Variants in RPUSD2 observed in about 807,000 individuals in gnomAD.
RPUSD2 encodes the protein RNA pseudouridine synthase domain containing 2.
In RPUSD2, 31 loss-of-function variants were observed where a neutral mutation model predicts 41.5. That is an observed-to-expected ratio of 0.75 (90% CI 0.56 to 1.01). RPUSD2 has a LOEUF of 1.01. Ranked by LOEUF, RPUSD2 falls within the 50% of genes least tolerant of loss-of-function variation. The pLI is 0.00. For synonymous variants in RPUSD2, 305 were observed against 289.7 expected, an observed-to-expected ratio of 1.05 and a Z score of -0.54; for missense variants, 749 against 724.7, an observed-to-expected ratio of 1.03 and a Z score of -0.38.
intron 2 of RPUSD2, 32 bp downstream of exon 2, chr15:40,571,932 T>C (rs1370179448): frequency 6.2e-7 from 1 of 1,600,858 alleles, no homozygotes; most frequent in Non-Finnish European, 8.5e-7. Context: ...TACAGGCCAC[T>C]TCTTGGGCTC....
chr15:40,572,648 C>T (rs1436541306), intron 2 of RPUSD2, among the ~76,000 whole-genome samples: 1 of 152,006 alleles, frequency 6.6e-6, no homozygotes, highest in African/African-American at 2.4e-5. Flanking sequence ...AGGAGGATCA[C>T]TTGGCCATGG....
At chr15:40,570,630 G>A (rs1186470147) in intron 1 of RPUSD2, among the ~76,000 whole-genome samples, 1 of 152,222 alleles carries the variant, frequency 6.6e-6, no homozygotes, top group African/African-American at 2.4e-5. Context: ...TTACCTCTCA[G>A]TAACACTAGT....
chr15:40,573,550 G>A lies in RPUSD2; in HGVS notation c.927G>A (p.Arg309=), dbSNP rs751010183. 4.3e-6 allele frequency: 7 copies of A among 1,613,602 alleles called. No homozygotes were observed. Among genetic ancestry groups the A allele is most frequent in the African/African-American group, 1.3e-5 (1 of 74,922 alleles). Residue 309 remains arginine, a synonymous_variant, in exon 3 of 3, where the codon CGG becomes CGA. Coordinates refer to ENST00000315616, the MANE Select transcript of RPUSD2 (RefSeq NM_152260.3). The part of the protein sequence containing the change: ...DRQLEKEYVC[R]VEGEFPTEEV... ...AGCTGGAGAAGGAGTACGTGTGCCGGGTGGAAGGGGAGTTCCCCACTGAGG... is the reference window on the plus strand; with the variant it reads ...AGCTGGAGAAGGAGTACGTGTGCCGAGTGGAAGGGGAGTTCCCCACTGAGG...
chr15:40,573,919 G>T lies in RPUSD2; in HGVS notation c.1296G>T (p.Glu432Asp). 1.2e-6 allele frequency: 2 copies of T among 1,614,098 alleles called. No individual in the cohort carries two copies. The highest frequency in any genetic ancestry group is 1.7e-6 in the Non-Finnish European group (2 of 1,180,012). The part of the protein sequence containing the change: ...KQSLDVLDLC[E>D]GDLSPGLTDS... ...GCCTGGATGTGCTAGATCTCTGTGA[G>T]GGTGACCTGTCCCCAGGACTCACAG... Residue 432 changes from glutamate (E) to aspartate (D), a missense_variant, in exon 3 of 3, where the codon GAG becomes GAT. Coordinates refer to ENST00000315616, the MANE Select transcript of RPUSD2 (RefSeq NM_152260.3).
At position 40,574,075 on chromosome 15, in the gene RPUSD2, G is replaced by C. The variant is rs139719919; in HGVS notation, c.1452G>C (p.Lys484Asn). The change falls in exon 3 of 3, where the codon AAG becomes AAC. Residue 484 changes from lysine to asparagine, a missense_variant. Lys to Asn is a moderately conservative substitution (Grantham distance 94, BLOSUM62 0). Transcript: ENST00000315616. ...ACACAATAGCCTTGGCATCAGAGAA[G>C]GCAGTTGAAACAGATGTCATGAATC... ...ELDTIALASE[K>N]AVETDVMNQE... The C allele has an allele frequency of 3.9e-4, 627 of 1,614,204 alleles. 2 individuals are homozygous for C. Among genetic ancestry groups the C allele is most frequent in the Non-Finnish European group, 3.9e-4 (456 of 1,180,050 alleles).
intron 1 of RPUSD2, 53 bp from the exon 2 acceptor site, chr15:40,571,551 A>G (rs1891138998): frequency 6.5e-7 from 1 of 1,542,754 alleles, no homozygotes; most frequent in African/African-American, 1.4e-5. Flanking sequence ...TATGAAGTTG[A>G]CTGATTACAG....
At position 40,569,709 on chromosome 15, in the gene RPUSD2, A is replaced by C; in HGVS notation, c.372A>C (p.Gly124=). 6.3e-7 allele frequency: 1 copy of C among 1,583,914 alleles called. No homozygotes were observed. The highest frequency in any genetic ancestry group is 8.6e-7 in the Non-Finnish European group (1 of 1,164,290). ...PKKRRTGVSF[G]DEHFAETSYY... Reference sequence around the variant, plus strand: ...AGCGGCGGACCGGGGTGAGCTTCGGAGATGAGCACTTTGCAGAAACCAGTT... The same window carrying C: ...AGCGGCGGACCGGGGTGAGCTTCGGCGATGAGCACTTTGCAGAAACCAGTT... Residue 124 remains glycine, a synonymous_variant, in exon 1 of 3, where the codon GGA becomes GGC. Transcript: ENST00000315616.
Position 40,569,399 on chromosome 15 carries a change from G to A in RPUSD2, c.62G>A (p.Arg21His), listed in dbSNP as rs200134510. 4 of 1,531,046 alleles carry A rather than the reference G, an allele frequency of 2.6e-6. No homozygotes were observed. The highest frequency in any genetic ancestry group is 1.8e-4 in the Middle Eastern group (1 of 5,676). The allele number at this position is 1,531,046 out of a possible 1,614,324, so 94.8% of individuals were successfully genotyped here. The change falls in exon 1 of 3, where the codon CGC (arginine) becomes CAC (histidine). Residue 21 changes from arginine to histidine, a missense_variant. Transcript: ENST00000315616. Reference protein sequence around the residue: ...VLGHWRYDLRRPSFTRTWSGD... With the variant: ...VLGHWRYDLRHPSFTRTWSGD... ...GGACATTGGCGCTACGACCTTAGGC[G>A]CCCTAGCTTTACCAGGACTTGGAGT...
chr15:40,570,652 G>T (rs541316096), intron 1 of RPUSD2, among the ~76,000 whole-genome samples: 55 of 152,352 alleles, frequency 3.6e-4, no homozygotes, highest in African/African-American at 1.3e-3. Flanking sequence ...TACCATGGTT[G>T]TGAGTGGAGA....
At chr15:40,571,517 C>T in intron 1 of RPUSD2, 87 bp from the exon 2 acceptor site, 1 of 1,235,196 alleles carries the variant, frequency 8.1e-7, no homozygotes, top group Non-Finnish European at 1.1e-6. Context: ...TTTTCCATGT[C>T]AGTGAGGAAC....
rs1443452492 is a variant in RPUSD2 at position 40,569,367 on chromosome 15, G to C, written c.30G>C (p.Arg10Ser). ...GGCTGGACCGCCGCGGATGGCTCAG[G>C]GTTCTTGGACATTGGCGCTACGACC... The part of the protein sequence containing the change: MWLDRRGWL[R>S]VLGHWRYDLR... The change falls in exon 1 of 3, where the codon AGG becomes AGC. Residue 10 changes from arginine (R) to serine (S), a missense_variant. By Grantham distance (110) the Arg-to-Ser change is moderately radical. Coordinates refer to ENST00000315616, the MANE Select transcript of RPUSD2 (RefSeq NM_152260.3). The C allele has an allele frequency of 1.3e-6, 2 of 1,504,304 alleles. No homozygotes were observed. Among genetic ancestry groups the C allele is most frequent in the East Asian group, 2.4e-5 (1 of 42,160 alleles). 93.2% of individuals were successfully genotyped at this position (1,504,304 alleles called of 1,614,324 possible). A position where few individuals can be genotyped will look rare whatever the true frequency, so the allele number is the denominator to read the frequency against.
At position 40,569,330 on chromosome 15, in the gene RPUSD2, G is replaced by A. The variant is rs371247212; in HGVS notation, c.-8G>A. On this transcript the variant is annotated 5_prime_UTR_variant, in exon 1 of 3. Coordinates refer to ENST00000315616, the MANE Select transcript of RPUSD2 (RefSeq NM_152260.3). ...CGACCCTGGGAGTGGAGTGGGGGCA[G>A]CGTGGTTATGTGGCTGGACCGCCGC... The A allele has an allele frequency of 1.4e-6, 2 of 1,462,292 alleles. No homozygotes were observed. The highest frequency in any genetic ancestry group is 3.1e-5 in the South Asian group (2 of 65,062). 90.6% of individuals were successfully genotyped at this position (1,462,292 alleles called of 1,614,324 possible).
Position 40,569,344 on chromosome 15 carries a change from C to G in RPUSD2, c.7C>G (p.Leu3Val), listed in dbSNP as rs1007499925. ...GAGTGGGGGCAGCGTGGTTATGTGG[C>G]TGGACCGCCGCGGATGGCTCAGGGT... MW[L>V]DRRGWLRVLG... is the part of the protein sequence containing the mutation. The change falls in exon 1 of 3, where the codon CTG (leucine) becomes GTG (valine). Residue 3 changes from leucine to valine, a missense_variant. Leu to Val is a conservative substitution (Grantham distance 32, BLOSUM62 1). Coordinates refer to ENST00000315616, the MANE Select transcript of RPUSD2 (RefSeq NM_152260.3). The G allele has an allele frequency of 6.8e-7, 1 of 1,478,130 alleles. No homozygotes were observed. Among genetic ancestry groups the G allele is most frequent in the Non-Finnish European group, 9.0e-7 (1 of 1,115,782 alleles). The allele number at this position is 1,478,130 out of a possible 1,614,324, so 91.6% of individuals were successfully genotyped here.
At chr15:40,570,936 A>G (rs1163833665) in intron 1 of RPUSD2, among the ~76,000 whole-genome samples, 1 of 152,088 alleles carries the variant, frequency 6.6e-6, no homozygotes, top group Non-Finnish European at 1.5e-5. Flanking sequence ...TCAAGATCGT[A>G]ATAAGTGATG....
intron 1 of RPUSD2, 126 bp downstream of exon 1, chr15:40,570,069 C>G (rs1595900461): frequency 1.6e-6 from 2 of 1,281,882 alleles, no homozygotes; most frequent in East Asian, 5.3e-5. Flanking sequence ...AATTCTAAAG[C>G]GTTCTCGCTT....
Position 40,574,091 on chromosome 15 carries a change from G to A in RPUSD2, c.1468G>A (p.Val490Ile), listed in dbSNP as rs1454122406. 1.9e-6 allele frequency: 3 copies of A among 1,614,092 alleles called. 1 individual carries two copies. Among genetic ancestry groups the A allele is most frequent in the Middle Eastern group, 3.3e-4 (2 of 6,084 alleles). ...LASEKAVETD[V>I]MNQETDPLCA... ...ATCAGAGAAGGCAGTTGAAACAGAT[G>A]TCATGAATCAAGAGACAGACCCACT... The change falls in exon 3 of 3, where the codon GTC (valine) becomes ATC (isoleucine). Residue 490 changes from valine (V) to isoleucine (I), a missense_variant. Val to Ile is a conservative substitution (Grantham distance 29, BLOSUM62 3). Transcript: ENST00000315616.
At position 40,571,730 on chromosome 15, in the gene RPUSD2, C is replaced by T. The variant is rs1891144245; in HGVS notation, c.733C>T (p.Pro245Ser). 1.2e-6 allele frequency: 2 copies of T among 1,614,098 alleles called. No individual in the cohort carries two copies. The highest frequency in any genetic ancestry group is 1.3e-5 in the African/African-American group (1 of 74,930). Residue 245 changes from proline (P) to serine (S), a missense_variant, in exon 2 of 3, where the codon CCC becomes TCC. Coordinates refer to ENST00000315616, the MANE Select transcript of RPUSD2 (RefSeq NM_152260.3). The part of the protein sequence containing the change: ...VDKPSSIPVH[P>S]CGRFRHNTVI... ...CAAGCCTTCCTCCATTCCCGTTCAC[C>T]CCTGTGGCCGCTTCCGACACAACAC...
intron 1 of RPUSD2, among the ~76,000 whole-genome samples, 195 bp from the exon 2 acceptor site, chr15:40,571,409 T>C (rs1232093610): frequency 6.6e-6 from 1 of 152,234 alleles, no homozygotes; most frequent in East Asian, 1.9e-4. Context: ...TCCAGTACTT[T>C]TTCAGTGCCA....
At chr15:40,571,072 A>G (rs934710776) in intron 1 of RPUSD2, among the ~76,000 whole-genome samples, 4 of 151,516 alleles carry the variant, frequency 2.6e-5, no homozygotes, top group African/African-American at 9.7e-5. Flanking sequence ...GGCTCACTGC[A>G]ACCTCCGCCT....
Sources: gnomAD v4.1 joint callset for allele counts (sites outside exome capture counted in the v4.1 genomes callset) on GRCh38, gnomAD v4.1.1 for gene constraint, MANE v1.5 for transcripts, NCBI Gene and HGNC (gene_info 2026-07-23, HGNC 2026-07-21) for gene names.